The following PCGF5 variants were observed in gnomAD, a reference collection of about 807,000 sequenced individuals.
PCGF5 encodes polycomb group ring finger 5, also known as polycomb group RING finger protein 5.
PCGF5 carries 9 observed loss-of-function variants against 44.3 expected under a neutral mutation model. The observed-to-expected ratio is 0.20, with a 90% CI of 0.12 to 0.35. The LOEUF (loss-of-function observed/expected upper bound fraction) is 0.35. Ranked by LOEUF, PCGF5 falls within the 10% of genes least tolerant of loss-of-function variation. The pLI is 1.00. For synonymous variants in PCGF5, 95 were observed against 102.5 expected (o/e 0.93, Z 0.44); for missense variants, 146 against 305.3 (o/e 0.48, Z 3.89).
intron 2 of PCGF5, among the ~76,000 whole-genome samples, chr10:91,234,575 T>C (rs1057007403): frequency 6.6e-6 from 1 of 152,224 alleles, no homozygotes; most frequent in African/African-American, 2.4e-5. Context: ...CGGCATGATA[T>C]CTGTTATTTA....
At chr10:91,251,532 T>G (rs1845624036) in intron 6 of PCGF5, 92 bp downstream of exon 6, 1 of 1,256,594 alleles carries the variant, frequency 8.0e-7, no homozygotes, top group South Asian at 1.3e-5. Flanking sequence ...TCAAAATGTT[T>G]GCTTTCAAAG....
At chr10:91,209,085 A>G (rs1291346155) in intron 1 of PCGF5, among the ~76,000 whole-genome samples, 8 of 152,182 alleles carry the variant, frequency 5.3e-5, no homozygotes, top group South Asian at 2.1e-4. Context: ...CATTCAATTC[A>G]TTTATTCAGA....
intron 1 of PCGF5, among the ~76,000 whole-genome samples, chr10:91,186,920 C>A: frequency 6.6e-6 from 1 of 152,276 alleles, no homozygotes; most frequent in South Asian, 2.1e-4. Flanking sequence ...AGAACTTGCC[C>A]ACACAATGCA....
At chr10:91,232,176 T>G (rs1020728602) in intron 2 of PCGF5, among the ~76,000 whole-genome samples, 1 of 152,074 alleles carries the variant, frequency 6.6e-6, no homozygotes, top group Non-Finnish European at 1.5e-5. Flanking sequence ...TTAAGTGGGT[T>G]GAGTAAGATG....
upstream of PCGF5, among the ~76,000 whole-genome samples, chr10:91,218,051 T>G (rs770948118): frequency 9.9e-5 from 15 of 152,230 alleles, no homozygotes; most frequent in Non-Finnish European, 1.3e-4. Context: ...CCTCCCAAAG[T>G]GCTGGGATTA....
rs1844883370 is a variant in PCGF5 at position 91,227,654 on chromosome 10, T to C, written c.112+4671T>C. On this transcript the variant is annotated intron_variant, in intron 2 of 9. Coordinates refer to ENST00000336126, the MANE Select transcript of PCGF5 (RefSeq NM_032373.5). ...ATAATTAAAAACAGCTTACTGTCTT[T>C]ATCATTATCACTCTTAACCCACCCT... 3 of 1,122,988 alleles carry C rather than the reference T, an allele frequency of 2.7e-6. No homozygotes were observed. In the African/African-American group the frequency reaches 4.9e-5, roughly 18 times the overall value. The allele number at this position is 1,122,988 out of a possible 1,614,324, so 69.6% of individuals were successfully genotyped here.
intron 1 of PCGF5, among the ~76,000 whole-genome samples, chr10:91,209,083 T>C (rs944590263): frequency 6.6e-6 from 1 of 152,238 alleles, no homozygotes; most frequent in Non-Finnish European, 1.5e-5. Context: ...TACATTCAAT[T>C]CATTTATTCA....
At chr10:91,243,087 A>G (rs1207210768) in intron 3 of PCGF5, among the ~76,000 whole-genome samples, 2 of 152,198 alleles carry the variant, frequency 1.3e-5, no homozygotes, top group Admixed American at 1.3e-4. Context: ...AAAGGATAAG[A>G]AGAAATGGTA....
chr10:91,223,583 C>T (rs1271573717), intron 2 of PCGF5, among the ~76,000 whole-genome samples: 1 of 152,212 alleles, frequency 6.6e-6, no homozygotes, highest in Admixed American at 6.5e-5. Flanking sequence ...TCATTCTCAA[C>T]TGTCCCATTG....
At position 91,281,061 on chromosome 10, in the gene PCGF5, C is replaced by T. The variant is rs1181554513; in HGVS notation, c.*2745C>T. On this transcript the variant is annotated 3_prime_UTR_variant, in exon 10 of 10. Transcript: ENST00000336126. ...AAGGGAACTTAGATATAAAGAATGACTGTGGTTTATAAACATTACTTTAAT... is the reference window on the plus strand; with the variant it reads ...AAGGGAACTTAGATATAAAGAATGATTGTGGTTTATAAACATTACTTTAAT... 3 of 152,544 alleles carry T rather than the reference C, an allele frequency of 2.0e-5. No individual in the cohort carries two copies. In the East Asian group the frequency reaches 5.8e-4, roughly 29 times the overall value. The allele number at this position is 152,544 out of a possible 1,614,324, so 9.4% of individuals were successfully genotyped here.
At chr10:91,205,802 C>T (rs1180162914) in intron 1 of PCGF5, among the ~76,000 whole-genome samples, 1 of 152,112 alleles carries the variant, frequency 6.6e-6, no homozygotes, top group African/African-American at 2.4e-5. Flanking sequence ...CCAGCCTGGC[C>T]AACATGGCAA....
At chr10:91,272,918 G>A (rs1186483717) in intron 9 of PCGF5, among the ~76,000 whole-genome samples, 1 of 152,202 alleles carries the variant, frequency 6.6e-6, no homozygotes, top group African/African-American at 2.4e-5. Flanking sequence ...CTTACCTCCA[G>A]TGTTACAGTT....
intron 1 of PCGF5, among the ~76,000 whole-genome samples, chr10:91,191,992 C>A (rs1252938385): frequency 1.3e-5 from 2 of 152,144 alleles, no homozygotes; most frequent in Admixed American, 1.3e-4. Context: ...AGTTATTTAC[C>A]CTCTCTGAGC....
chr10:91,190,680 AT>A (rs1199994697), intron 1 of PCGF5, among the ~76,000 whole-genome samples: 5 of 152,116 alleles, frequency 3.3e-5, no homozygotes, highest in African/African-American at 9.7e-5. Flanking sequence ...CAATTTCTTG[AT>A]TTTTTTCCCC....
chr10:91,241,187 G>C (rs1845315597), intron 3 of PCGF5, among the ~76,000 whole-genome samples: 1 of 151,828 alleles, frequency 6.6e-6, no homozygotes, highest in Admixed American at 6.6e-5. Flanking sequence ...TGATTCTCCT[G>C]CCTCAGCCTC....
At chr10:91,221,077 C>G (rs559262378) in intron 1 of PCGF5, among the ~76,000 whole-genome samples, 76 of 151,586 alleles carry the variant, frequency 5.0e-4, no homozygotes, top group African/African-American at 1.8e-3. Context: ...CTCTCCCCGG[C>G]CTGAGCAGCG....
intron 6 of PCGF5, among the ~76,000 whole-genome samples, chr10:91,255,502 T>C (rs1845726050): frequency 6.6e-6 from 1 of 152,074 alleles, no homozygotes; most frequent in African/African-American, 2.4e-5. Flanking sequence ...AGTTGAATAT[T>C]GGTGGTATGC....
rs1846422727 is a variant in PCGF5, at chr10:91,280,328, CTT to C, written c.*2014_*2015del. The C allele has an allele frequency of 6.6e-6, 1 of 151,996 alleles. No homozygotes were observed. Among genetic ancestry groups the C allele is most frequent in the Non-Finnish European group, 1.5e-5 (1 of 67,884 alleles). 9.4% of individuals were successfully genotyped at this position (151,996 alleles called of 1,614,324 possible). On this transcript the variant is annotated 3_prime_UTR_variant, in exon 10 of 10. Transcript: ENST00000336126. ...TGCATTTTAAAAATCACAAGTGAGA[CTT>C]TGATGTTTTGGCCCCCCAGCCAAAA...
chr10:91,208,751 C>T (rs527890219), intron 1 of PCGF5, among the ~76,000 whole-genome samples: 9 of 152,286 alleles, frequency 5.9e-5, no homozygotes, highest in African/African-American at 2.2e-4. Context: ...TTTTGCATTT[C>T]TCTTGAAATC....
Sources: gnomAD v4.1 joint callset for allele counts (sites outside exome capture counted in the v4.1 genomes callset) on GRCh38, gnomAD v4.1.1 for gene constraint, MANE v1.5 for transcripts, NCBI Gene and HGNC (gene_info 2026-07-23, HGNC 2026-07-21) for gene names.